The following CTNNA3 variants were observed in gnomAD, a reference collection of about 807,000 sequenced individuals.
CTNNA3 encodes catenin alpha 3.
In CTNNA3, 76 loss-of-function variants were observed where a neutral mutation model predicts 95.7. The observed-to-expected ratio is 0.79, with a 90% CI of 0.66 to 0.96. The LOEUF is 0.96. CTNNA3 is among the 40% of genes least tolerant of loss of function. The pLI, the probability that CTNNA3 is intolerant of heterozygous loss-of-function variation, is 0.00. For synonymous variants in CTNNA3, 431 were observed against 374.4 expected (o/e 1.15, Z -1.74); for missense variants, 1,191 against 1,089.8 (o/e 1.09, Z -1.31).
chr10:66,921,398 A>T (rs1846779451), intron 7 of CTNNA3, among the ~76,000 whole-genome samples: 1 of 152,208 alleles, frequency 6.6e-6, no homozygotes, highest in South Asian at 2.1e-4. Context: ...TTATTTGATC[A>T]CATACTAACT....
intron 7 of CTNNA3, among the ~76,000 whole-genome samples, chr10:66,867,251 CTCCATGTGTA>C (rs1302785089): frequency 1.3e-5 from 2 of 152,184 alleles, no homozygotes; most frequent in Non-Finnish European, 2.9e-5. Flanking sequence ...AACTCAAAAA[CTCCATGTGTA>C]TTAGCATTTT....
At chr10:67,245,951 G>A (rs1296183311) in intron 5 of CTNNA3, among the ~76,000 whole-genome samples, 2 of 151,754 alleles carry the variant, frequency 1.3e-5, no homozygotes, top group African/African-American at 4.8e-5. Context: ...CTCCCTTTTG[G>A]CTCTCATTCT....
chr10:66,564,830 A>G (rs1343232305), intron 10 of CTNNA3, among the ~76,000 whole-genome samples: 1 of 152,212 alleles, frequency 6.6e-6, no homozygotes, highest in African/African-American at 2.4e-5. Flanking sequence ...ACAATAAATT[A>G]GTGGGGGAAG....
intron 5 of CTNNA3, among the ~76,000 whole-genome samples, chr10:67,374,467 C>T (rs2132712609): frequency 6.6e-6 from 1 of 152,220 alleles, no homozygotes; most frequent in Admixed American, 6.5e-5. Context: ...TATTAACCAA[C>T]TTTTCCATAA....
At chr10:66,204,104 G>T (rs1011654442) in intron 13 of CTNNA3, among the ~76,000 whole-genome samples, 1 of 152,036 alleles carries the variant, frequency 6.6e-6, no homozygotes, top group African/African-American at 2.4e-5. Context: ...CACTCCAAAA[G>T]CTCAATAAGA....
At chr10:66,885,397 G>A (rs1367945954) in intron 7 of CTNNA3, among the ~76,000 whole-genome samples, 2 of 151,912 alleles carry the variant, frequency 1.3e-5, no homozygotes, top group African/African-American at 4.8e-5. Flanking sequence ...CATCAAAATG[G>A]TATTTATATC....
At position 66,322,138 on chromosome 10, in the gene CTNNA3, G is replaced by A. The variant is rs557405413; in HGVS notation, c.1733-41517C>T. ...TTTCTAAGTTCTGTGGAAAACCATT[G>A]AAGAGCTCTAAGTAGAGGAATCACA... On this transcript the variant is annotated intron_variant, in intron 12 of 17. Transcript: ENST00000433211. Among the ~76,000 whole-genome samples the A allele has an allele frequency of 2.2e-4, 33 of 152,184 alleles. 1 individual carries two copies. The South Asian group carries it at 6.9e-3, about 32-fold the overall frequency.
At chr10:66,455,893 A>C (rs2093492033) in intron 11 of CTNNA3, among the ~76,000 whole-genome samples, 1 of 152,204 alleles carries the variant, frequency 6.6e-6, no homozygotes, top group Non-Finnish European at 1.5e-5. Flanking sequence ...AACATACAAC[A>C]AAACAATTTT....
chr10:67,293,660 C>A (rs915769033), intron 5 of CTNNA3, among the ~76,000 whole-genome samples: 4 of 120,806 alleles, frequency 3.3e-5, no homozygotes, highest in African/African-American at 1.3e-4. Flanking sequence ...AATGCTATCC[C>A]TCCCCCTCCC....
Position 66,720,678 on chromosome 10 carries a change from C to CA in CTNNA3, c.1281+45585dup, listed in dbSNP as rs545157321. Among the ~76,000 whole-genome samples, 430 of 151,948 alleles carry CA rather than the reference C, an allele frequency of 2.8e-3. 2 individuals carry two copies. Among genetic ancestry groups the CA allele is most frequent in the African/African-American group, 9.9e-3 (409 of 41,454 alleles). On this transcript the variant is annotated intron_variant, in intron 9 of 17. Transcript: ENST00000433211. ...TGAACCCCCATCTCTACTAAAAATA[C>CA]AAAAAAATAGCTGGGCGTGATGGTG...
chr10:66,685,529 C>T (rs1206730156), intron 9 of CTNNA3, among the ~76,000 whole-genome samples: 3 of 149,422 alleles, frequency 2.0e-5, no homozygotes, highest in Non-Finnish European at 4.5e-5. Context: ...CCCGCCACCA[C>T]GCCCGGCTAA....
chr10:66,106,542 G>C (rs1044345407), intron 13 of CTNNA3, among the ~76,000 whole-genome samples: 1 of 151,994 alleles, frequency 6.6e-6, no homozygotes, highest in African/African-American at 2.4e-5. Context: ...GTTTCCCTCA[G>C]AATAAAATTC....
chr10:67,734,458 C>T (rs933671929), intron 1 of CTNNA3, among the ~76,000 whole-genome samples: 1 of 152,018 alleles, frequency 6.6e-6, no homozygotes, highest in East Asian at 1.9e-4. Context: ...ATATATGATC[C>T]TGGGGAAAGG....
At chr10:65,931,093 A>G (rs1324436984) in intron 17 of CTNNA3, among the ~76,000 whole-genome samples, 1 of 152,102 alleles carries the variant, frequency 6.6e-6, no homozygotes, top group Non-Finnish European at 1.5e-5. Context: ...TGAAGATTCA[A>G]CCATGGTTTA....
intron 5 of CTNNA3, among the ~76,000 whole-genome samples, chr10:67,392,735 G>T (rs1844554185): frequency 1.3e-5 from 2 of 152,102 alleles, no homozygotes; most frequent in Non-Finnish European, 2.9e-5. Context: ...CATAAAAAAT[G>T]ATGAGTTCAT....
At chr10:67,347,916 C>G (rs1448431253) in intron 5 of CTNNA3, among the ~76,000 whole-genome samples, 1 of 151,046 alleles carries the variant, frequency 6.6e-6, no homozygotes, top group African/African-American at 2.4e-5. Context: ...CAACTAAACA[C>G]CAACACTACA....
chr10:66,657,147 A>C (rs1030559731), intron 9 of CTNNA3, among the ~76,000 whole-genome samples: 1 of 152,128 alleles, frequency 6.6e-6, no homozygotes, highest in Non-Finnish European at 1.5e-5. Context: ...GATGGTCTCT[A>C]CTTGGACCTG....
chr10:66,895,356 C>T (rs1332162973), intron 7 of CTNNA3, among the ~76,000 whole-genome samples: 35 of 152,138 alleles, frequency 2.3e-4, no homozygotes, highest in Admixed American at 2.3e-3. Context: ...ATCAATGGAT[C>T]TTCAACCAAT....
chr10:65,963,645 T>C (rs916319011), intron 17 of CTNNA3, among the ~76,000 whole-genome samples: 1 of 152,194 alleles, frequency 6.6e-6, no homozygotes, highest in Non-Finnish European at 1.5e-5. Context: ...TTCAATATCT[T>C]AAGGAAATTA....
Sources: gnomAD v4.1 joint callset for allele counts (sites outside exome capture counted in the v4.1 genomes callset) on GRCh38, gnomAD v4.1.1 for gene constraint, MANE v1.5 for transcripts, NCBI Gene and HGNC (gene_info 2026-07-23, HGNC 2026-07-21) for gene names.